The following KEL variants were observed in gnomAD, a reference collection of about 807,000 sequenced individuals.
KEL encodes the protein kell blood group glycoprotein.
KEL carries 96 observed loss-of-function variants against 99.5 expected under a neutral mutation model. The observed-to-expected ratio is 0.97, with a 90% CI of 0.82 to 1.14. KEL has a LOEUF of 1.14. Among genes scored for constraint, KEL ranks in the 50% most tolerant of loss-of-function variants. The pLI is 0.00. For synonymous variants in KEL, 355 were observed against 354.8 expected (o/e 1.00, Z -0.01); for missense variants, 926 against 924.2 (o/e 1.00, Z -0.03).
At chr7:142,961,313 G>C in intron 3 of KEL, 47 bp downstream of exon 3, 1 of 1,611,378 alleles carries the variant, frequency 6.2e-7, no homozygotes, top group Non-Finnish European at 8.5e-7. Context: ...TGGGCCCCAG[G>C]GCTGGGGGAG....
intron 13 of KEL, 56 bp downstream of exon 13, chr7:142,944,267 A>C: frequency 1.5e-6 from 2 of 1,351,542 alleles, no homozygotes; most frequent in Non-Finnish European, 2.1e-6. Flanking sequence ...TAGGAGGGTC[A>C]GAGAAGTGAC....
At chr7:142,945,900 T>C (rs1282543057) in intron 11 of KEL, among the ~76,000 whole-genome samples, 2 of 152,192 alleles carry the variant, frequency 1.3e-5, no homozygotes, top group Non-Finnish European at 2.9e-5. Context: ...AGTGCTGGGA[T>C]TACAGGTGTG....
Position 142,961,799 on chromosome 7 carries a change from T to C in KEL, c.77A>G (p.Gln26Arg). 1 of 1,613,864 alleles carries C rather than the reference T, an allele frequency of 6.2e-7. No individual in the cohort carries two copies. Among genetic ancestry groups the C allele is most frequent in the South Asian group, 1.1e-5 (1 of 91,058 alleles). Residue 26 changes from glutamine to arginine, a missense_variant, in exon 2 of 19, where the codon CAA becomes CGA. By Grantham distance (43) the Gln-to-Arg change is conservative. Coordinates refer to ENST00000355265, the MANE Select transcript of KEL (RefSeq NM_000420.3). The part of the protein sequence containing the change: ...QAGGMGTLWS[Q>R]ESTPEERLPV... ...CCAGGAGAGGAGGCCACTTACCTCT[T>C]GGCTCCAGAGAGTTCCCATTCCACC... is the stretch of plus-strand genomic sequence containing the variant.
chr7:142,954,183 C>A lies in KEL; in HGVS notation c.924+1G>T, dbSNP rs568600999. 4.7e-5 allele frequency: 75 copies of A among 1,608,762 alleles called. 1 individual carries two copies. The South Asian group carries it at 5.7e-4, about 12-fold the overall frequency. On this transcript the variant is annotated splice_donor_variant, in intron 8 of 18. Coordinates refer to ENST00000355265, the MANE Select transcript of KEL (RefSeq NM_000420.3). LOFTEE classifies it high-confidence loss of function. ...GTCTTCTGGCCCCCAGTTCCAGGCA[C>A]CTTGAGCTGGTCGATAGTGACCATC...
chr7:142,957,849 G>A lies in KEL; in HGVS notation c.650C>T (p.Ser217Phe), dbSNP rs771153437. The A allele has an allele frequency of 1.9e-6, 3 of 1,614,156 alleles. No homozygotes were observed. The highest frequency in any genetic ancestry group is 8.5e-7 in the Non-Finnish European group (1 of 1,180,030). ...FRAYLGPHPA[S>F]PHTPVIQIDQ... ...CACCTGGATGACTGGTGTGTGTGGA[G>A]AGGCAGGATGAGGTCCTAGGTAGGC... Residue 217 changes from serine (S) to phenylalanine (F), a missense_variant, in exon 6 of 19, where the codon TCT (serine) becomes TTT (phenylalanine). Ser to Phe is a radical substitution (Grantham distance 155). Coordinates refer to ENST00000355265, the MANE Select transcript of KEL (RefSeq NM_000420.3).
Position 142,941,185 on chromosome 7 carries a change from A to T in KEL, c.*67T>A, listed in dbSNP as rs1293926173. The T allele has an allele frequency of 6.5e-7, 1 of 1,534,100 alleles. No individual in the cohort carries two copies. The highest frequency in any genetic ancestry group is 9.0e-7 in the Non-Finnish European group (1 of 1,107,578). On this transcript the variant is annotated 3_prime_UTR_variant, in exon 19 of 19. Coordinates refer to ENST00000355265, the MANE Select transcript of KEL (RefSeq NM_000420.3). ...GAAGCAGAAAGGAAATCTTGCTCTG[A>T]TTCCATGGATGTGACCAGGGAGGTG...
intron 9 of KEL, chr7:142,953,454 A>G (rs1340064954): frequency 1.1e-6 from 1 of 905,500 alleles, no homozygotes; most frequent in African/African-American, 1.8e-5. Context: ...AAAGACATAC[A>G]TACACTTAAC....
rs1488561607 is a variant in KEL at position 142,957,982 on chromosome 7, G to A, written c.526-9C>T. 1.2e-6 allele frequency: 2 copies of A among 1,613,400 alleles called. No individual in the cohort carries two copies. The highest frequency in any genetic ancestry group is 4.5e-5 in the East Asian group (2 of 44,856). ...ATGCGCCAGCCTCCAAGCTTTAAAG[G>A]AGAGAGAGGGGGCTGAGCATAAGGA... On this transcript the variant is annotated splice_polypyrimidine_tract_variant and intron_variant, in intron 5 of 18. Coordinates refer to ENST00000355265, the MANE Select transcript of KEL (RefSeq NM_000420.3).
Position 142,961,497 on chromosome 7 carries a change from G to T in KEL, c.86C>A (p.Thr29Asn). The T allele has an allele frequency of 6.3e-7, 1 of 1,594,528 alleles. No homozygotes were observed. The highest frequency in any genetic ancestry group is 8.5e-7 in the Non-Finnish European group (1 of 1,170,068). Reference protein sequence around the residue: ...GMGTLWSQESTPEERLPVEGS... With the variant: ...GMGTLWSQESNPEERLPVEGS... ...TTCCACGGGCAGCCTCTCTTCTGGA[G>T]TGCTCTGTGGGAGGAACCAAGAGGT... The change falls in exon 3 of 19, where the codon ACT becomes AAT. Residue 29 changes from threonine (T) to asparagine (N), a missense_variant. Thr to Asn is a moderately conservative substitution (Grantham distance 65). Coordinates refer to ENST00000355265, the MANE Select transcript of KEL (RefSeq NM_000420.3).
chr7:142,958,347 A>T lies in KEL; in HGVS notation c.482T>A (p.Ile161Asn), dbSNP rs1459557672. The T allele has an allele frequency of 1.9e-6, 3 of 1,614,010 alleles. No individual in the cohort carries two copies. The highest frequency in any genetic ancestry group is 2.5e-6 in the Non-Finnish European group (3 of 1,180,012). Residue 161 changes from isoleucine (I) to asparagine (N), a missense_variant, in exon 5 of 19, where the codon ATT becomes AAT. By Grantham distance (149) the Ile-to-Asn change is moderately radical (BLOSUM62 -3). Coordinates refer to ENST00000355265, the MANE Select transcript of KEL (RefSeq NM_000420.3). The stretch of plus-strand genomic sequence containing the variant: ...GAGGGGACCAGTCCCTGCAGCTTCA[A>T]TGGCAAGTGTATCCATGCAGGAGTT... Reference protein sequence around the residue: ...FYNSCMDTLAIEAAGTGPLRQ... With the variant: ...FYNSCMDTLANEAAGTGPLRQ...
chr7:142,959,760 G>C (rs553437844), intron 4 of KEL, among the ~76,000 whole-genome samples: 1 of 152,210 alleles, frequency 6.6e-6, no homozygotes, highest in South Asian at 2.1e-4. Flanking sequence ...CAGTCCCCCT[G>C]ATATCTATTC....
At chr7:142,945,046 G>C (rs1796487631) in intron 11 of KEL, 1 of 464,572 alleles carries the variant, frequency 2.2e-6, no homozygotes, top group Non-Finnish European at 4.0e-6. Flanking sequence ...CCTGGGGGCA[G>C]GAACACCTCT....
In KEL at chr7:142,961,196, A is replaced by T. The variant is rs547693976; in HGVS notation, c.224-92T>A. 7.9e-6 allele frequency: 12 copies of T among 1,521,278 alleles called. No individual in the cohort carries two copies. The South Asian group carries it at 1.0e-4, about 13-fold the overall frequency. The allele number at this position is 1,521,278 out of a possible 1,614,324, so 94.2% of individuals were successfully genotyped here. ...GCAAAGAACATCAGGTGAGTAACTA[A>T]GTGGGGAGCTGATGAAAAAGAAATG... On this transcript the variant is annotated intron_variant, in intron 3 of 18. Transcript: ENST00000355265.
intron 12 of KEL, 92 bp downstream of exon 12, chr7:142,944,551 C>T (rs560109708): frequency 7.3e-6 from 9 of 1,230,894 alleles, no homozygotes; most frequent in Non-Finnish European, 1.1e-5. Flanking sequence ...CCTGGGGGGG[C>T]CTTTGGCATT....
chr7:142,952,467 C>T lies in KEL; in HGVS notation c.1203+42G>A, dbSNP rs773878342. The T allele has an allele frequency of 4.3e-6, 7 of 1,611,402 alleles. No individual in the cohort carries two copies. In the East Asian group the frequency reaches 1.6e-4, roughly 36 times the overall value. On this transcript the variant is annotated intron_variant, in intron 10 of 18. Coordinates refer to ENST00000355265, the MANE Select transcript of KEL (RefSeq NM_000420.3). ...TTTACCCCTCAAAAGAGTAGATACT[C>T]CTTTCGAGTATCTGGGCAAATACAC...
rs1336648083 is a variant in KEL at position 142,954,500 on chromosome 7, G to A, written c.700C>T (p.Leu234Phe). 8 of 1,614,084 alleles carry A rather than the reference G, an allele frequency of 5.0e-6. No individual in the cohort carries two copies. The highest frequency in any genetic ancestry group is 6.8e-6 in the Non-Finnish European group (8 of 1,179,992). Reference sequence around the variant, plus strand: ...ATCTTCTGTTCTTGATCTTGCTTGAGGGGAACATCAAACTCTGGCTGGTCT... The same window carrying A: ...ATCTTCTGTTCTTGATCTTGCTTGAAGGGAACATCAAACTCTGGCTGGTCT... ...QIDQPEFDVP[L>F]KQDQEQKIYA... Residue 234 changes from leucine (L) to phenylalanine (F), a missense_variant, in exon 7 of 19, where the codon CTC becomes TTC. Leu to Phe is a conservative substitution (Grantham distance 22, BLOSUM62 0). Coordinates refer to ENST00000355265, the MANE Select transcript of KEL (RefSeq NM_000420.3).
intron 11 of KEL, among the ~76,000 whole-genome samples, chr7:142,945,145 C>T (rs1256733171): frequency 6.6e-6 from 1 of 152,198 alleles, no homozygotes; most frequent in African/African-American, 2.4e-5. Context: ...CGTCCACTCC[C>T]TCTCCTCATC....
chr7:142,962,274 G>A lies in KEL; in HGVS notation c.-68C>T, dbSNP rs1425097228. The A allele has an allele frequency of 6.3e-7, 1 of 1,593,796 alleles. No homozygotes were observed. The highest frequency in any genetic ancestry group is 1.1e-5 in the South Asian group (1 of 90,688). On this transcript the variant is annotated 5_prime_UTR_variant, in exon 1 of 19. Transcript: ENST00000355265. ...CTAGGAGCTGATTCGGAGGACTGGG[G>A]TCCAGGAAACACCCCCCGCCCCAGT...
chr7:142,954,166 GC>G lies in KEL; in HGVS notation c.924+17del. Reference sequence around the variant, plus strand: ...AGATCCCCATGCCCACAGTCTTCTGGCCCCCAGTTCCAGGCACCTTGAGCTG... The same window carrying G: ...AGATCCCCATGCCCACAGTCTTCTGGCCCCAGTTCCAGGCACCTTGAGCTG... On this transcript the variant is annotated intron_variant, in intron 8 of 18. Transcript: ENST00000355265. The G allele has an allele frequency of 6.2e-7, 1 of 1,604,792 alleles. No homozygotes were observed.
Sources: allele counts gnomAD v4.1 joint callset (sites outside exome capture counted in the v4.1 genomes callset), GRCh38; gene constraint gnomAD v4.1.1; transcripts MANE v1.5; gene names NCBI Gene and HGNC (gene_info 2026-07-23, HGNC 2026-07-21).